The following RSBN1L variants were observed in gnomAD, a reference collection of about 807,000 sequenced individuals.
RSBN1L encodes the protein round spermatid basic protein 1 like, also known as lysine-specific demethylase RSBN1L.
A neutral mutation model predicts 67.7 loss-of-function variants in RSBN1L; 30 were observed. That is an observed-to-expected ratio of 0.44 (90% CI 0.33 to 0.60). RSBN1L has a LOEUF of 0.60. Among genes scored for constraint, RSBN1L ranks in the 20% least tolerant of loss-of-function variants. The pLI is 0.02. For synonymous variants in RSBN1L, 433 were observed against 387.0 expected, an observed-to-expected ratio of 1.12 and a Z score of -1.39; for missense variants, 992 against 1,031.7, an observed-to-expected ratio of 0.96 and a Z score of 0.53.
intron 5 of RSBN1L, among the ~76,000 whole-genome samples, chr7:77,770,988 C>T (rs1791841037): frequency 6.6e-6 from 1 of 152,198 alleles, no homozygotes; most frequent in South Asian, 2.1e-4. Context: ...TGTCGCCAGG[C>T]TGGAGTGCAG....
At chr7:77,761,107 G>C (rs556627314) in intron 3 of RSBN1L, among the ~76,000 whole-genome samples, 1 of 152,210 alleles carries the variant, frequency 6.6e-6, no homozygotes, top group Non-Finnish European at 1.5e-5. Context: ...TAATGGAAAC[G>C]TAGTTTTAAG....
At position 77,781,785 on chromosome 7, in the gene RSBN1L, C is replaced by A. The variant is rs1189735848; in HGVS notation, c.*2617C>A. ...GGATCACGAGGTCAGAAGTTTGAGA[C>A]CAGTCTGGCCAACATGGTGAAACCC... On this transcript the variant is annotated 3_prime_UTR_variant, in exon 8 of 8. Transcript: ENST00000334955. 2 of 151,974 alleles carry A rather than the reference C, an allele frequency of 1.3e-5. No individual in the cohort carries two copies. The highest frequency in any genetic ancestry group is 2.9e-5 in the Non-Finnish European group (2 of 68,034). The allele number at this position is 151,974 out of a possible 1,614,324, so 9.4% of individuals were successfully genotyped here.
chr7:77,740,890 C>T (rs929120208), intron 2 of RSBN1L, among the ~76,000 whole-genome samples: 5 of 151,736 alleles, frequency 3.3e-5, no homozygotes, highest in East Asian at 1.9e-4. Flanking sequence ...ACTCTATACA[C>T]GTGTGTATCT....
chr7:77,713,784 G>A (rs1010979149), intron 1 of RSBN1L, among the ~76,000 whole-genome samples: 1 of 151,904 alleles, frequency 6.6e-6, no homozygotes, highest in Admixed American at 6.6e-5. Flanking sequence ...AGTTATAGGT[G>A]TGAGCCACCT....
chr7:77,713,103 C>T (rs1046948894), intron 1 of RSBN1L, among the ~76,000 whole-genome samples: 1 of 152,104 alleles, frequency 6.6e-6, no homozygotes, highest in African/African-American at 2.4e-5. Context: ...CATTTTTTCA[C>T]ATTTCACTTA....
chr7:77,739,737 G>GTTTTT (rs1562801652), intron 2 of RSBN1L, among the ~76,000 whole-genome samples: 4 of 61,178 alleles, frequency 6.5e-5, no homozygotes, highest in Non-Finnish European at 8.8e-5. Context: ...AAAAAAATGT[G>GTTTTT]TCTTTTTTTT....
In RSBN1L at chr7:77,779,036, T is replaced by A. The variant is rs756679110; in HGVS notation, c.2409T>A (p.Asp803Glu). The A allele has an allele frequency of 3.1e-6, 5 of 1,614,010 alleles. No homozygotes were observed. Among genetic ancestry groups the A allele is most frequent in the Non-Finnish European group, 4.2e-6 (5 of 1,179,944 alleles). Residue 803 changes from aspartate to glutamate, a missense_variant, in exon 8 of 8, where the codon GAT (aspartate) becomes GAA (glutamate). By Grantham distance (45) the Asp-to-Glu change is conservative. Transcript: ENST00000334955. ...TTGCAGAATTTAAGATTGACATGGATTCTAAATTTGAAAATAGCAACAAAG... is the reference window on the plus strand; with the variant it reads ...TTGCAGAATTTAAGATTGACATGGAATCTAAATTTGAAAATAGCAACAAAG... ...VQFAEFKIDM[D>E]SKFENSNKDL...
Position 77,779,223 on chromosome 7 carries a change from T to C in RSBN1L, c.*55T>C. ...TAAAAAAATTTAATGTAATAAAGAT[T>C]CATGAATTCTGAAAGCAAGCCAAGG... On this transcript the variant is annotated 3_prime_UTR_variant, in exon 8 of 8. Transcript: ENST00000334955. 2 of 1,272,712 alleles carry C rather than the reference T, an allele frequency of 1.6e-6. No homozygotes were observed. Among genetic ancestry groups the C allele is most frequent in the East Asian group, 2.5e-5 (1 of 40,746 alleles). The allele number at this position is 1,272,712 out of a possible 1,614,324, so 78.8% of individuals were successfully genotyped here.
intron 1 of RSBN1L, among the ~76,000 whole-genome samples, chr7:77,705,259 A>T (rs1790875394): frequency 6.6e-6 from 1 of 152,066 alleles, no homozygotes; most frequent in Non-Finnish European, 1.5e-5. Flanking sequence ...TATCATGCAG[A>T]TTTTCCTGTA....
chr7:77,763,232 G>T (rs1348065023), intron 3 of RSBN1L, among the ~76,000 whole-genome samples: 1 of 145,692 alleles, frequency 6.9e-6, no homozygotes, highest in African/African-American at 2.6e-5. Flanking sequence ...TCTTGCCTCT[G>T]CCTTCTGGGT....
intron 1 of RSBN1L, among the ~76,000 whole-genome samples, chr7:77,729,010 CTTAT>C (rs1400274069): frequency 7.2e-5 from 11 of 152,058 alleles, no homozygotes; most frequent in Non-Finnish European, 1.3e-4. Flanking sequence ...TGCCACTGTC[CTTAT>C]TTATTTATTT....
intron 4 of RSBN1L, among the ~76,000 whole-genome samples, chr7:77,767,704 C>T (rs1031660947): frequency 1.4e-5 from 2 of 146,008 alleles, no homozygotes; most frequent in Non-Finnish European, 3.0e-5. Context: ...TCCCCTTCCC[C>T]TTCACCTCTG....
rs199771986 is a variant in RSBN1L, at chr7:77,696,559, A to G, written c.90A>G (p.Gln30=). 1.5e-4 allele frequency: 238 copies of G among 1,613,800 alleles called. 1 individual carries two copies. Among genetic ancestry groups the G allele is most frequent in the African/African-American group, 1.2e-3 (91 of 74,968 alleles). Reference sequence around the variant, plus strand: ...AGAAAGAACCGTTTGGCAAGCTGCAACTCTCCTCCCGGGACCCTCCGGGTT... The same window carrying G: ...AGAAAGAACCGTTTGGCAAGCTGCAGCTCTCCTCCCGGGACCCTCCGGGTT... The part of the protein sequence containing the change: ...VSEKEPFGKL[Q]LSSRDPPGSL... Residue 30 remains glutamine (Q), a synonymous_variant, in exon 1 of 8, where the codon CAA becomes CAG. Transcript: ENST00000334955.
chr7:77,718,308 G>A (rs1053597890), intron 1 of RSBN1L, among the ~76,000 whole-genome samples: 1 of 152,012 alleles, frequency 6.6e-6, no homozygotes, highest in Non-Finnish European at 1.5e-5. Flanking sequence ...AGTGTATTTT[G>A]TTTTATGTTT....
At chr7:77,755,127 T>C (rs936861559) in intron 3 of RSBN1L, among the ~76,000 whole-genome samples, 2 of 152,152 alleles carry the variant, frequency 1.3e-5, no homozygotes, top group Non-Finnish European at 2.9e-5. Flanking sequence ...GAGTCAGTAT[T>C]CTAGGGGAAG....
Position 77,779,051 on chromosome 7 carries a change from T to C in RSBN1L, c.2424T>C (p.Asn808=), listed in dbSNP as rs573899059. Residue 808 remains asparagine, a synonymous_variant, in exon 8 of 8, where the codon AAT becomes AAC. Transcript: ENST00000334955. The part of the protein sequence containing the change: ...FKIDMDSKFE[N]SNKDLKEELC... ...TTGACATGGATTCTAAATTTGAAAATAGCAACAAAGATTTAAAGGAAGAAT... is the reference window on the plus strand; with the variant it reads ...TTGACATGGATTCTAAATTTGAAAACAGCAACAAAGATTTAAAGGAAGAAT... The C allele has an allele frequency of 2.5e-6, 4 of 1,613,798 alleles. No individual in the cohort carries two copies. The highest frequency in any genetic ancestry group is 3.3e-5 in the Admixed American group (2 of 59,988).
intron 1 of RSBN1L, among the ~76,000 whole-genome samples, chr7:77,723,698 G>A (rs186220537): frequency 2.6e-4 from 39 of 152,270 alleles, no homozygotes; most frequent in African/African-American, 8.9e-4. Flanking sequence ...CACTTTGGGA[G>A]GCCGAGGTGG....
chr7:77,762,635 C>T (rs1791709810), intron 3 of RSBN1L, among the ~76,000 whole-genome samples: 2 of 152,092 alleles, frequency 1.3e-5, no homozygotes, highest in Non-Finnish European at 2.9e-5. Context: ...AGTCATGACA[C>T]AACATATGAT....
At chr7:77,765,468 C>T in intron 3 of RSBN1L, 27 bp from the exon 4 acceptor site, 1 of 1,497,680 alleles carries the variant, frequency 6.7e-7, no homozygotes, top group Non-Finnish European at 9.0e-7. Flanking sequence ...ACGTATTTAA[C>T]TTTTAATTAA....
Sources: allele counts gnomAD v4.1 joint callset (sites outside exome capture counted in the v4.1 genomes callset), GRCh38; gene constraint gnomAD v4.1.1; transcripts MANE v1.5; gene names NCBI Gene and HGNC (gene_info 2026-07-23, HGNC 2026-07-21).